RPL7: variants seen among roughly 807,000 people sequenced by gnomAD.
RPL7 encodes ribosomal protein L7, also known as large ribosomal subunit protein uL30.
For synonymous variants in RPL7, 100 were observed against 102.2 expected, an observed-to-expected ratio of 0.98 and a Z score of 0.13; for missense variants, 205 against 301.9, an observed-to-expected ratio of 0.68 and a Z score of 2.38.
chr8:73,293,580 A>G lies in RPL7; in HGVS notation c.14+19T>C, dbSNP rs16938604. ...CTGGAGATGGAGAAGGATTCTCAAGAGGACCAGAAGCAACTCACTCTACAC... is the reference window on the plus strand; with the variant it reads ...CTGGAGATGGAGAAGGATTCTCAAGGGGACCAGAAGCAACTCACTCTACAC... On this transcript the variant is annotated intron_variant, in intron 1 of 6. Coordinates refer to ENST00000352983, the MANE Select transcript of RPL7 (RefSeq NM_000971.4). 4,625 of 1,613,762 alleles carry G rather than the reference A, an allele frequency of 2.9e-3. 126 individuals are homozygous for G. The East Asian group carries it at 0.068, about 24-fold the overall frequency.
At chr8:73,290,834 C>T in intron 6 of RPL7, 129 bp from the exon 7 acceptor site, 1 of 547,040 alleles carries the variant, frequency 1.8e-6, no homozygotes, top group Non-Finnish European at 3.3e-6. Context: ...TTAAAGACTC[C>T]CCAAAACAGG....
At chr8:73,291,526 C>T (rs774742090) in intron 5 of RPL7, 26 bp downstream of exon 5, 2 of 1,545,784 alleles carry the variant, frequency 1.3e-6, no homozygotes, top group East Asian at 2.3e-5. Flanking sequence ...GGTCTAATAC[C>T]AAATTTTCCC....
At chr8:73,293,651 C>T (rs1814171026), upstream of RPL7, 2 of 1,612,668 alleles carry the variant, frequency 1.2e-6, no homozygotes, top group Admixed American at 1.7e-5. Context: ...CGCATGCGTA[C>T]TGTCCACTTA....
intron 3 of RPL7, 34 bp downstream of exon 3, chr8:73,292,202 TCCC>T: frequency 1.3e-6 from 2 of 1,546,484 alleles, no homozygotes; most frequent in Admixed American, 4.0e-5. Flanking sequence ...TTTTTTTTTT[TCCC>T]ATTCAAACCC....
upstream of RPL7, chr8:73,294,353 G>A (rs2130347667): frequency 6.5e-6 from 1 of 153,088 alleles, no homozygotes; most frequent in East Asian, 1.9e-4. Context: ...GGCAGGCGGA[G>A]GCCAGGACAC....
Position 73,290,525 on chromosome 8 carries a change from C to A in RPL7, c.*182G>T, listed in dbSNP as rs567220049. The A allele has an allele frequency of 6.5e-6, 1 of 152,758 alleles. No homozygotes were observed. The highest frequency in any genetic ancestry group is 1.9e-4 in the East Asian group (1 of 5,218). 9.5% of individuals were successfully genotyped at this position (152,758 alleles called of 1,614,324 possible). A position where few individuals can be genotyped will look rare whatever the true frequency, so the allele number is the denominator to read the frequency against. ...ACACAGACTCGACCCTGATTTTGCA[C>A]GAAATGGGCTGTTGATTTGGCTTAA... is the stretch of plus-strand genomic sequence containing the variant. On this transcript the variant is annotated 3_prime_UTR_variant, in exon 7 of 7. Transcript: ENST00000352983.
chr8:73,291,668 T>C lies in RPL7; in HGVS notation c.429-7A>G, dbSNP rs1563543110. On this transcript the variant is annotated splice_region_variant and splice_polypyrimidine_tract_variant and intron_variant, in intron 4 of 6. Transcript: ENST00000352983. ...TGACTTCAGATTGGGGTACCTGAAG[T>C]GAAAAAGCAAACATAAATAAGGTGA... The C allele has an allele frequency of 3.8e-6, 6 of 1,591,172 alleles. No homozygotes were observed. Among genetic ancestry groups the C allele is most frequent in the Non-Finnish European group, 5.2e-6 (6 of 1,161,782 alleles).
At chr8:73,291,344 A>C (rs1013795777) in intron 5 of RPL7, 92 bp from the exon 6 acceptor site, 2 of 1,029,172 alleles carry the variant, frequency 1.9e-6, no homozygotes, top group African/African-American at 3.2e-5. Flanking sequence ...GTGAGATGAA[A>C]ACATAACCAG....
rs778588074 is a variant in RPL7, at chr8:73,292,405, G to A, written c.124C>T (p.Leu42Phe). ...RLRKKFAQKMLRKARRKLIYE... is the reference protein window; with the variant it reads ...RLRKKFAQKMFRKARRKLIYE... ...ATAAGCTTCCTCCTTGCCTTTCGAA[G>A]CTGAAAACCAATAATCAGTTATTCA... The change falls in exon 3 of 7, where the codon CTT (leucine) becomes TTT (phenylalanine). Residue 42 changes from leucine to phenylalanine, a missense_variant and splice_region_variant. Transcript: ENST00000352983. 2 of 1,593,804 alleles carry A rather than the reference G, an allele frequency of 1.3e-6. No individual in the cohort carries two copies. The highest frequency in any genetic ancestry group is 2.2e-5 in the South Asian group (2 of 89,388).
chr8:73,294,199 A>C (rs917843627), upstream of RPL7: 1 of 156,908 alleles, frequency 6.4e-6, no homozygotes, highest in African/African-American at 2.4e-5. Flanking sequence ...TCGTCGCTCC[A>C]GCCCACAGGG....
chr8:73,293,072 T>TAAA, intron 1 of RPL7: 9 of 264,150 alleles, frequency 3.4e-5, no homozygotes, highest in Non-Finnish European at 5.4e-5. Flanking sequence ...GACGACTAAT[T>TAAA]AAAAAAAAAA....
chr8:73,293,081 A>G (rs1379886273), intron 1 of RPL7: 2 of 328,462 alleles, frequency 6.1e-6, no homozygotes, highest in Non-Finnish European at 1.1e-5. Flanking sequence ...TTAAAAAAAA[A>G]AACAAAAAAA....
chr8:73,291,560 C>A lies in RPL7; in HGVS notation c.530G>T (p.Arg177Leu). 2 of 1,591,312 alleles carry A rather than the reference C, an allele frequency of 1.3e-6. No homozygotes were observed. The highest frequency in any genetic ancestry group is 1.7e-6 in the Non-Finnish European group (2 of 1,163,346). Residue 177 changes from arginine to leucine, a missense_variant, in exon 5 of 7, where the codon CGA (arginine) becomes CTA (leucine). Arg to Leu is a moderately radical substitution (Grantham distance 102). Coordinates refer to ENST00000352983, the MANE Select transcript of RPL7 (RefSeq NM_000971.4). Reference sequence around the variant, plus strand: ...CCCCAAATAGAACCTACCAAGAGATCGAGCAATCAAAGCGTTATCTGTCAA... The same window carrying A: ...CCCCAAATAGAACCTACCAAGAGATAGAGCAATCAAAGCGTTATCTGTCAA... The part of the protein sequence containing the change: ...IALTDNALIA[R>L]SLGKYGIICM...
chr8:73,293,955 G>A, upstream of RPL7: 1 of 265,660 alleles, frequency 3.8e-6, no homozygotes, highest in Non-Finnish European at 7.5e-6. Flanking sequence ...AGCCTCATGG[G>A]GACGAACTAC....
rs1437724335 is a variant in RPL7, at chr8:73,290,291, C to G, written c.*416G>C. ...ATTTACATGGCAGTTTATAAACAAG[C>G]GAAGGCCCGAGAAATAAATTTTAGC... On this transcript the variant is annotated 3_prime_UTR_variant, in exon 7 of 7. Transcript: ENST00000352983. The G allele has an allele frequency of 6.6e-6, 1 of 152,060 alleles. No homozygotes were observed. Among genetic ancestry groups the G allele is most frequent in the Non-Finnish European group, 1.5e-5 (1 of 68,014 alleles). 9.4% of individuals were successfully genotyped at this position (152,060 alleles called of 1,614,324 possible).
chr8:73,293,644 A>G (rs1277607157), upstream of RPL7: 4 of 1,613,078 alleles, frequency 2.5e-6, no homozygotes, highest in African/African-American at 4.0e-5. Context: ...AAGTTGGCGC[A>G]TGCGTACTGT....
chr8:73,293,166 G>C (rs1044511378), intron 1 of RPL7: 1 of 229,274 alleles, frequency 4.4e-6, no homozygotes. Flanking sequence ...GACTTTAAGC[G>C]CAAAAATTAA....
chr8:73,294,381 G>C (rs1477029086), upstream of RPL7: 2 of 152,752 alleles, frequency 1.3e-5, no homozygotes, highest in Admixed American at 6.5e-5. Flanking sequence ...GAGGGGGCGT[G>C]AGCTGCGAAG....
Position 73,292,782 on chromosome 8 carries a change from C to T in RPL7, c.30G>A (p.Glu10=). The T allele has an allele frequency of 6.2e-7, 1 of 1,608,568 alleles. No homozygotes were observed. The highest frequency in any genetic ancestry group is 2.2e-5 in the East Asian group (1 of 44,768). MEGVEEKKK[E]VPAVPETLKK... is the part of the protein sequence containing the mutation. ...TAAGGGTTTCTGGCACAGCAGGAAC[C>T]TCCTTCTTCTTCTCTCTAACGTTAA... Residue 10 remains glutamate, a synonymous_variant, in exon 2 of 7, where the codon GAG becomes GAA. Coordinates refer to ENST00000352983, the MANE Select transcript of RPL7 (RefSeq NM_000971.4).
Sources: allele counts gnomAD v4.1 joint callset, GRCh38; gene constraint gnomAD v4.1.1; transcripts MANE v1.5; gene names NCBI Gene and HGNC (gene_info 2026-07-23, HGNC 2026-07-21).